MACROD2: variants seen among roughly 807,000 people sequenced by gnomAD.
MACROD2 encodes ADP-ribose glycohydrolase MACROD2.
Under a neutral mutation model 70.4 loss-of-function variants are expected in MACROD2, and 36 were observed. The observed-to-expected ratio is 0.51, with a 90% CI of 0.39 to 0.68. MACROD2 has a LOEUF of 0.68. MACROD2 is among the 30% of genes least tolerant of loss of function. MACROD2 has a pLI of 0.00. For missense variants in MACROD2, 496 were observed against 538.4 expected, an observed-to-expected ratio of 0.92 and a Z score of 0.78; for synonymous variants, 172 against 178.8, an observed-to-expected ratio of 0.96 and a Z score of 0.30.
chr20:14,794,817 G>A (rs760925904), intron 5 of MACROD2, among the ~76,000 whole-genome samples: 3 of 152,090 alleles, frequency 2.0e-5, no homozygotes, highest in East Asian at 1.9e-4. Flanking sequence ...ACATATTCTA[G>A]TGGAGACAAG....
At chr20:14,991,245 A>G (rs1394053020) in intron 5 of MACROD2, among the ~76,000 whole-genome samples, 4 of 152,026 alleles carry the variant, frequency 2.6e-5, no homozygotes, top group Admixed American at 6.6e-5. Context: ...CAACTGTTTG[A>G]CCACTGCCTG....
intron 3 of MACROD2, among the ~76,000 whole-genome samples, chr20:14,215,676 GTTTTGTGA>G (rs2081615849): frequency 6.6e-6 from 1 of 152,024 alleles, no homozygotes. Flanking sequence ...AGCATCTACT[GTTTTGTGA>G]TTTTTTTGAT....
chr20:14,813,977 C>A lies in MACROD2; in HGVS notation c.418+129018C>A, dbSNP rs80146107. The stretch of plus-strand genomic sequence containing the variant: ...GACAAGCTATCTCATTAACCAGCAA[C>A]CAGCTATCTCATTAACATACAAAAT... On this transcript the variant is annotated intron_variant, in intron 5 of 17. Coordinates refer to ENST00000684519, the MANE Select transcript of MACROD2 (RefSeq NM_001351661.2). 2.6e-3 allele frequency among the ~76,000 whole-genome samples: 395 copies of A among 152,152 alleles called. 4 individuals carry two copies. The highest frequency in any genetic ancestry group is 9.2e-3 in the African/African-American group (384 of 41,536).
At chr20:15,388,778 A>C (rs1453591448) in intron 6 of MACROD2, among the ~76,000 whole-genome samples, 1 of 152,202 alleles carries the variant, frequency 6.6e-6, no homozygotes, top group Non-Finnish European at 1.5e-5. Flanking sequence ...CTGGTTATTA[A>C]AACTATAGGC....
intron 3 of MACROD2, among the ~76,000 whole-genome samples, chr20:14,207,150 G>C (rs6079352): frequency 6.6e-6 from 1 of 151,942 alleles, no homozygotes; most frequent in Non-Finnish European, 1.5e-5. Context: ...CTGTCACTCA[G>C]GCTGGAGTGC....
intron 2 of MACROD2, among the ~76,000 whole-genome samples, chr20:14,004,729 G>T (rs890608738): frequency 6.6e-6 from 1 of 151,940 alleles, no homozygotes; most frequent in African/African-American, 2.4e-5. Flanking sequence ...TATTTGAAAC[G>T]TTTTAAGTCA....
chr20:15,714,524 GACAA>G (rs769954504), intron 8 of MACROD2, among the ~76,000 whole-genome samples: 44 of 152,308 alleles, frequency 2.9e-4, no homozygotes, highest in African/African-American at 8.2e-4. Context: ...GGGATGGTAA[GACAA>G]ACAGAGAAGC....
At chr20:15,123,681 G>A (rs1350354786) in intron 5 of MACROD2, among the ~76,000 whole-genome samples, 1 of 152,158 alleles carries the variant, frequency 6.6e-6, no homozygotes, top group African/African-American at 2.4e-5. Context: ...ATTGGACAGT[G>A]TGACTTCAGA....
chr20:14,533,429 A>G (rs2085329374), intron 4 of MACROD2, among the ~76,000 whole-genome samples: 1 of 152,218 alleles, frequency 6.6e-6, no homozygotes, highest in Non-Finnish European at 1.5e-5. Context: ...ACTTATGATT[A>G]TACATTTTTA....
intron 5 of MACROD2, among the ~76,000 whole-genome samples, chr20:14,974,759 G>A (rs1305682932): frequency 1.3e-5 from 2 of 151,840 alleles, no homozygotes; most frequent in East Asian, 3.9e-4. Flanking sequence ...CAAGTCCAAG[G>A]GCAAGAGAGT....
intron 3 of MACROD2, among the ~76,000 whole-genome samples, chr20:14,483,136 A>C (rs1600287382): frequency 6.6e-6 from 1 of 152,194 alleles, no homozygotes; most frequent in East Asian, 1.9e-4. Flanking sequence ...TCTGGTGATT[A>C]CTTTTAGCCA....
intron 3 of MACROD2, among the ~76,000 whole-genome samples, chr20:14,172,750 T>G (rs1473839473): frequency 1.3e-5 from 2 of 152,156 alleles, no homozygotes; most frequent in Admixed American, 1.3e-4. Flanking sequence ...TATAGGTCCT[T>G]TGAGATTTAT....
At chr20:14,976,604 G>A (rs1027289895) in intron 5 of MACROD2, among the ~76,000 whole-genome samples, 1 of 152,162 alleles carries the variant, frequency 6.6e-6, no homozygotes, top group Non-Finnish European at 1.5e-5. Context: ...TGGGGAACAG[G>A]ATGTGGACAT....
chr20:15,418,093 A>G (rs2046179829), intron 6 of MACROD2, among the ~76,000 whole-genome samples: 1 of 152,154 alleles, frequency 6.6e-6, no homozygotes, highest in Admixed American at 6.5e-5. Flanking sequence ...TTTTCTTCTT[A>G]ACCACTGTGT....
intron 8 of MACROD2, among the ~76,000 whole-genome samples, chr20:15,610,088 A>C (rs887667043): frequency 6.6e-6 from 1 of 152,236 alleles, no homozygotes; most frequent in Non-Finnish European, 1.5e-5. Context: ...TTGCAAAATT[A>C]TGTTAAGAAT....
At chr20:15,997,018 A>G (rs890641912) in intron 15 of MACROD2, among the ~76,000 whole-genome samples, 1 of 151,976 alleles carries the variant, frequency 6.6e-6, no homozygotes, top group Non-Finnish European at 1.5e-5. Flanking sequence ...CTTTATATGC[A>G]TGGGTTTATT....
chr20:14,869,092 G>C (rs1455186317), intron 5 of MACROD2, among the ~76,000 whole-genome samples: 1 of 152,170 alleles, frequency 6.6e-6, no homozygotes, highest in Non-Finnish European at 1.5e-5. Context: ...CACAGGTCCT[G>C]TGCAATAGCA....
intron 12 of MACROD2, among the ~76,000 whole-genome samples, chr20:15,946,172 G>A (rs6080044): frequency 0.058 from 8,860 of 152,132 alleles, 429 homozygotes; most frequent in East Asian, 0.23. Flanking sequence ...CGTGCCTTAC[G>A]CTATAGCCCA....
chr20:14,968,018 C>G (rs1023885781), intron 5 of MACROD2, among the ~76,000 whole-genome samples: 1 of 152,000 alleles, frequency 6.6e-6, no homozygotes, highest in Non-Finnish European at 1.5e-5. Flanking sequence ...CAGTGGTTTT[C>G]GACAACTCTA....
Sources: gnomAD v4.1 joint callset for allele counts (sites outside exome capture counted in the v4.1 genomes callset) on GRCh38, gnomAD v4.1.1 for gene constraint, MANE v1.5 for transcripts, NCBI Gene and HGNC (gene_info 2026-07-23, HGNC 2026-07-21) for gene names.